The following FAM184B variants were observed in gnomAD, a reference collection of about 807,000 sequenced individuals.
The protein encoded by FAM184B is family with sequence similarity 184 member B.
A neutral mutation model predicts 135.9 loss-of-function variants in FAM184B; 111 were observed. That is an observed-to-expected ratio of 0.82 (90% confidence interval 0.70 to 0.96). The LOEUF is 0.96. Ranked by LOEUF, FAM184B falls within the 40% of genes least tolerant of loss-of-function variation. The pLI is 0.00. For synonymous variants in FAM184B, 552 were observed against 524.8 expected (o/e 1.05, Z -0.71); for missense variants, 1,375 against 1,323.9 (o/e 1.04, Z -0.60).
In FAM184B at chr4:17,707,749, C is replaced by T. The variant is rs1014174126; in HGVS notation, c.930G>A (p.Glu310=). 4 of 1,551,802 alleles carry T rather than the reference C, an allele frequency of 2.6e-6. No homozygotes were observed. Among genetic ancestry groups the T allele is most frequent in the Admixed American group, 3.9e-5 (2 of 50,990 alleles). ...TTGCAGTGCCTTTCAACTCTGAATT[C>T]TCCTGTCGAGCCTCCTTAAGCTGCA... The part of the protein sequence containing the change: ...LDVQLKEARQ[E]NSELKGTAKK... The change falls in exon 3 of 18, where the codon GAG becomes GAA. Residue 310 remains glutamate (E), a synonymous_variant. Coordinates refer to ENST00000265018, the MANE Select transcript of FAM184B (RefSeq NM_015688.2).
At chr4:17,657,729 T>A (rs1715810331) in intron 10 of FAM184B, among the ~76,000 whole-genome samples, 1 of 147,340 alleles carries the variant, frequency 6.8e-6, no homozygotes, top group Non-Finnish European at 1.5e-5. Flanking sequence ...TAGTCTTGGC[T>A]CACTGCAACC....
At chr4:17,742,040 A>G (rs918222383) in intron 1 of FAM184B, among the ~76,000 whole-genome samples, 3 of 151,822 alleles carry the variant, frequency 2.0e-5, no homozygotes, top group African/African-American at 7.3e-5. Flanking sequence ...ACCTACAGTC[A>G]GCAATAATAT....
At chr4:17,761,820 TTTTTG>T (rs745701119) in intron 1 of FAM184B, among the ~76,000 whole-genome samples, 1 of 152,264 alleles carries the variant, frequency 6.6e-6, no homozygotes, top group Admixed American at 6.5e-5. Flanking sequence ...CGCAGCTGAC[TTTTTG>T]TTTTGTTTTG....
intron 6 of FAM184B, 63 bp from the exon 7 acceptor site, chr4:17,688,594 T>C: frequency 8.0e-7 from 1 of 1,254,722 alleles, no homozygotes; most frequent in Non-Finnish European, 1.1e-6. Context: ...GATACAGTCA[T>C]TCATCCGGGA....
intron 7 of FAM184B, among the ~76,000 whole-genome samples, chr4:17,673,831 A>G (rs1716249934): frequency 4.2e-5 from 1 of 23,696 alleles, no homozygotes; most frequent in African/African-American, 6.8e-5. Flanking sequence ...TGCTCAGGTG[A>G]TCGGTGTACC....
At chr4:17,635,686 A>AAC (rs887209372) in intron 15 of FAM184B, among the ~76,000 whole-genome samples, 10 of 151,916 alleles carry the variant, frequency 6.6e-5, no homozygotes, top group African/African-American at 1.7e-4. Context: ...AAAAAAAAAA[A>AAC]AACCCATGAT....
At chr4:17,710,264 C>T (rs1414060510) in intron 1 of FAM184B, among the ~76,000 whole-genome samples, 1 of 152,088 alleles carries the variant, frequency 6.6e-6, no homozygotes, top group Non-Finnish European at 1.5e-5. Context: ...GCGGAGGTTG[C>T]AGCGAGCTGA....
chr4:17,709,388 T>A lies in FAM184B; in HGVS notation c.398A>T (p.Glu133Val), dbSNP rs1035757642. The A allele has an allele frequency of 1.3e-6, 2 of 1,524,964 alleles. No homozygotes were observed. The highest frequency in any genetic ancestry group is 2.1e-5 in the Admixed American group (1 of 48,106). The allele number at this position is 1,524,964 out of a possible 1,614,324, so 94.5% of individuals were successfully genotyped here. Reference sequence around the variant, plus strand: ...GGCGTGCTCTGCCTCCACCCTCAGCTCTCTCTCCTTCGTCTCCAGCCTGCA... The same window carrying A: ...GGCGTGCTCTGCCTCCACCCTCAGCACTCTCTCCTTCGTCTCCAGCCTGCA... ...ASCRLETKERELRVEAEHAER... is the reference protein window; with the variant it reads ...ASCRLETKERVLRVEAEHAER... The change falls in exon 2 of 18, where the codon GAG becomes GTG. Residue 133 changes from glutamate to valine, a missense_variant. Physicochemically the swap from Glu to Val is moderately radical, Grantham distance 121. Coordinates refer to ENST00000265018, the MANE Select transcript of FAM184B (RefSeq NM_015688.2).
intron 7 of FAM184B, among the ~76,000 whole-genome samples, chr4:17,672,283 T>C (rs1396911224): frequency 6.6e-6 from 1 of 152,126 alleles, no homozygotes; most frequent in Admixed American, 6.5e-5. Context: ...CTAAGAATAC[T>C]ATACCTGGGA....
At chr4:17,634,100 C>G (rs547532867) in intron 16 of FAM184B, 5 of 387,080 alleles carry the variant, frequency 1.3e-5, no homozygotes, top group African/African-American at 1.0e-4. Flanking sequence ...AACCTCTTAA[C>G]CAAAACTTCT....
chr4:17,678,420 A>C (rs1461518070), intron 7 of FAM184B, among the ~76,000 whole-genome samples: 2 of 152,178 alleles, frequency 1.3e-5, no homozygotes, highest in African/African-American at 4.8e-5. Flanking sequence ...CCCCTTTTAC[A>C]ATAGCTGCAA....
chr4:17,643,203 A>G (rs963109462), intron 12 of FAM184B, among the ~76,000 whole-genome samples: 5 of 152,170 alleles, frequency 3.3e-5, no homozygotes, highest in Admixed American at 1.3e-4. Context: ...GGTGGGAGAG[A>G]TATGAGAATT....
intron 9 of FAM184B, among the ~76,000 whole-genome samples, 180 bp downstream of exon 9, chr4:17,659,778 G>C (rs1715870355): frequency 6.6e-6 from 1 of 152,172 alleles, no homozygotes; most frequent in Non-Finnish European, 1.5e-5. Flanking sequence ...GAGCCACCGT[G>C]CCTGGCTGCA....
chr4:17,717,400 T>C (rs549652086), intron 1 of FAM184B, among the ~76,000 whole-genome samples: 1 of 152,208 alleles, frequency 6.6e-6, no homozygotes, highest in African/African-American at 2.4e-5. Context: ...GCTCTTCTCC[T>C]GGGCTTCATG....
intron 13 of FAM184B, among the ~76,000 whole-genome samples, chr4:17,639,730 G>C (rs1186358321): frequency 1.3e-5 from 2 of 152,098 alleles, no homozygotes; most frequent in South Asian, 2.1e-4. Context: ...GGAGGCAAGA[G>C]GCTGAGATTC....
intron 1 of FAM184B, among the ~76,000 whole-genome samples, chr4:17,733,734 C>T (rs1383848181): frequency 4.6e-5 from 7 of 152,056 alleles, no homozygotes; most frequent in East Asian, 1.9e-4. Context: ...GAATCAATAT[C>T]GTGAAAATGG....
chr4:17,697,247 T>C (rs1320915867), intron 5 of FAM184B, among the ~76,000 whole-genome samples: 1 of 152,156 alleles, frequency 6.6e-6, no homozygotes, highest in African/African-American at 2.4e-5. Context: ...AAAGGGATCA[T>C]GTTTGACTCC....
intron 5 of FAM184B, 54 bp downstream of exon 5, chr4:17,704,946 G>C (rs919146959): frequency 6.9e-7 from 1 of 1,448,160 alleles, no homozygotes; most frequent in Non-Finnish European, 9.4e-7. Flanking sequence ...GGAAAGAAAG[G>C]AGGTGGGAGA....
intron 7 of FAM184B, among the ~76,000 whole-genome samples, chr4:17,685,312 AG>A (rs1307476194): frequency 1.3e-5 from 2 of 151,066 alleles, no homozygotes; most frequent in Non-Finnish European, 2.9e-5. Context: ...GCACTTTGGG[AG>A]GCCGAGGCAG....
Sources: allele counts gnomAD v4.1 joint callset (sites outside exome capture counted in the v4.1 genomes callset), GRCh38; gene constraint gnomAD v4.1.1; transcripts MANE v1.5; gene names NCBI Gene and HGNC (gene_info 2026-07-23, HGNC 2026-07-21).